LEMD1: variants seen among roughly 807,000 people sequenced by gnomAD.
LEMD1 encodes LEM domain containing 1.
LEMD1 carries 18 observed loss-of-function variants against 17.4 expected under a neutral mutation model. That is an observed-to-expected ratio of 1.04 (90% CI 0.72 to 1.54). The LOEUF is 1.54. LEMD1 is among the 40% of genes most tolerant of loss of function. LEMD1 has a pLI of 0.00. For missense variants in LEMD1, 195 were observed against 210.4 expected, an observed-to-expected ratio of 0.93 and a Z score of 0.45; for synonymous variants, 88 against 77.8, an observed-to-expected ratio of 1.13 and a Z score of -0.69.
chr1:205,416,192 TA>T, intron 4 of LEMD1, 39 bp downstream of exon 4: 1 of 1,314,896 alleles, frequency 7.6e-7, no homozygotes, highest in Non-Finnish European at 1.1e-6. Flanking sequence ...CTGTTTTTAA[TA>T]TATGGGTATA....
At chr1:205,432,481 G>A (rs1245005636) in intron 1 of LEMD1, among the ~76,000 whole-genome samples, 2 of 152,242 alleles carry the variant, frequency 1.3e-5, no homozygotes, top group African/African-American at 4.8e-5. Context: ...TTCCTTTCTG[G>A]ATTACAAACC....
At chr1:205,402,294 A>C (rs1414200522) in intron 4 of LEMD1, among the ~76,000 whole-genome samples, 1 of 152,198 alleles carries the variant, frequency 6.6e-6, no homozygotes, top group Non-Finnish European at 1.5e-5. Flanking sequence ...TACCTTGAGC[A>C]GTATGGCCAT....
intron 1 of LEMD1, among the ~76,000 whole-genome samples, chr1:205,430,989 C>G (rs1170390152): frequency 6.6e-6 from 1 of 152,200 alleles, no homozygotes; most frequent in Admixed American, 6.5e-5. Flanking sequence ...GATGGGAGAG[C>G]GCCGTCTGCA....
At chr1:205,410,667 C>T (rs1229330647) in intron 4 of LEMD1, among the ~76,000 whole-genome samples, 1 of 152,010 alleles carries the variant, frequency 6.6e-6, no homozygotes. Context: ...CATTTTACAG[C>T]CTGCGGCAAA....
At chr1:205,403,344 G>A (rs1664941563) in intron 4 of LEMD1, among the ~76,000 whole-genome samples, 1 of 152,020 alleles carries the variant, frequency 6.6e-6, no homozygotes, top group Non-Finnish European at 1.5e-5. Flanking sequence ...ACTCTTTTTG[G>A]TTGGTAAGCT....
At chr1:205,449,199 G>T (rs1276586173) in intron 1 of LEMD1, among the ~76,000 whole-genome samples, 1 of 152,174 alleles carries the variant, frequency 6.6e-6, no homozygotes, top group Non-Finnish European at 1.5e-5. Flanking sequence ...TCTAGGACTG[G>T]ATTGAAGAGC....
intron 1 of LEMD1, among the ~76,000 whole-genome samples, chr1:205,433,325 C>T (rs150240621): frequency 0.058 from 8,820 of 151,984 alleles, 319 homozygotes; most frequent in Non-Finnish European, 0.081. Context: ...GGCGTGGTGG[C>T]GGGTGCCTGT....
chr1:205,384,322 A>G lies in LEMD1; in HGVS notation c.313T>C (p.Tyr105His). 1 of 1,522,988 alleles carries G rather than the reference A, an allele frequency of 6.6e-7. No homozygotes were observed. Among genetic ancestry groups the G allele is most frequent in the South Asian group, 1.3e-5 (1 of 78,468 alleles). The allele number at this position is 1,522,988 out of a possible 1,614,324, so 94.3% of individuals were successfully genotyped here. ...STTKRKAVDT[Y>H]CLDYKPSKGR... ...TTGGAAGGCTTATAATCCAAGCAAT[A>G]GGTATCTACAGCTTTGCGTTTAGTG... is the stretch of plus-strand genomic sequence containing the variant. The change falls in exon 5 of 6, where the codon TAT becomes CAT. Residue 105 changes from tyrosine (Y) to histidine (H), a missense_variant. Transcript: ENST00000367153.
chr1:205,441,775 T>C lies in LEMD1; in HGVS notation c.-39+8093A>G, dbSNP rs915446231. The stretch of plus-strand genomic sequence containing the variant: ...GCTGGGCAAAGGGTTGAGAGGTAGA[T>C]ACAAAAGGGTAAAGACATGGTTTCT... On this transcript the variant is annotated intron_variant, in intron 1 of 3. Transcript: ENST00000367154. The surrounding 1 kb of genome is among the most constrained non-coding windows in gnomAD (Gnocchi z 4.3). 2.6e-5 allele frequency among the ~76,000 whole-genome samples: 4 copies of C among 152,176 alleles called. No homozygotes were observed. Among genetic ancestry groups the C allele is most frequent in the Admixed American group, 2.6e-4 (4 of 15,278 alleles).
At chr1:205,394,358 ATTTG>A (rs914843465) in intron 4 of LEMD1, among the ~76,000 whole-genome samples, 16 of 136,338 alleles carry the variant, frequency 1.2e-4, no homozygotes, top group African/African-American at 4.5e-4. Flanking sequence ...GAACTGTATT[ATTTG>A]TTTATTTAAT....
chr1:205,408,502 C>CTTTTTTTTTTTTT (rs573634699), intron 4 of LEMD1, among the ~76,000 whole-genome samples: 1 of 136,882 alleles, frequency 7.3e-6, no homozygotes, highest in Non-Finnish European at 1.5e-5. Context: ...TTCTTTCTTT[C>CTTTTTTTTTTTTT]TTTTTTTTTT....
rs368226190 is a variant in LEMD1 at position 205,413,696 on chromosome 1, A to C, written c.270+2536T>G. On this transcript the variant is annotated intron_variant, in intron 4 of 5. Transcript: ENST00000367153. ...AGAGTCTCCTCTCACTCTGTCACCCAAGCTGGAGTGTAGCTGCACAATCTC... is the reference window on the plus strand; with the variant it reads ...AGAGTCTCCTCTCACTCTGTCACCCCAGCTGGAGTGTAGCTGCACAATCTC... Among the ~76,000 whole-genome samples the C allele has an allele frequency of 5.8e-5, 8 of 138,558 alleles. No homozygotes were observed. In the East Asian group the frequency reaches 1.5e-3, roughly 25 times the overall value. The allele number at this position is 138,558 out of a possible 152,430, so 90.9% of individuals were successfully genotyped here.
At chr1:205,409,342 C>T (rs550562804) in intron 4 of LEMD1, among the ~76,000 whole-genome samples, 12 of 152,244 alleles carry the variant, frequency 7.9e-5, no homozygotes, top group African/African-American at 2.9e-4. Flanking sequence ...TTGTGTTGTA[C>T]TACAGGTAAT....
At chr1:205,383,874 A>C (rs1478873300) in intron 5 of LEMD1, among the ~76,000 whole-genome samples, 1 of 151,252 alleles carries the variant, frequency 6.6e-6, no homozygotes, top group African/African-American at 2.4e-5. Context: ...GACCTCAGGC[A>C]ATCCATCTGC....
At chr1:205,447,068 C>T (rs1666405024) in intron 1 of LEMD1, among the ~76,000 whole-genome samples, 2 of 152,228 alleles carry the variant, frequency 1.3e-5, no homozygotes, top group Admixed American at 6.5e-5. Context: ...GGGTACAGCA[C>T]TCCCTGGTTT....
At chr1:205,442,869 C>T (rs1263370294) in intron 1 of LEMD1, among the ~76,000 whole-genome samples, 3 of 152,214 alleles carry the variant, frequency 2.0e-5, no homozygotes, top group African/African-American at 4.8e-5. Flanking sequence ...CAATCTGGGA[C>T]TTAGGTGGCC....
chr1:205,424,739 T>A (rs933554788), upstream of LEMD1, among the ~76,000 whole-genome samples: 5 of 152,100 alleles, frequency 3.3e-5, no homozygotes, highest in Non-Finnish European at 7.4e-5. Flanking sequence ...AGACAAGAAG[T>A]AAGTCGGGTT....
chr1:205,414,973 C>A (rs1429150398), intron 4 of LEMD1, among the ~76,000 whole-genome samples: 2 of 152,124 alleles, frequency 1.3e-5, no homozygotes, highest in East Asian at 3.8e-4. Flanking sequence ...TAACATCATT[C>A]AGATCCCTAA....
chr1:205,415,217 T>C (rs1665636554), intron 4 of LEMD1, among the ~76,000 whole-genome samples: 1 of 152,050 alleles, frequency 6.6e-6, no homozygotes, highest in Admixed American at 6.5e-5. Flanking sequence ...CCACAAAATG[T>C]TCATGAAGTT....
Sources: gnomAD v4.1 joint callset for allele counts (sites outside exome capture counted in the v4.1 genomes callset) on GRCh38, gnomAD v4.1.1 for gene constraint, Gnocchi (gnomAD v3.1) non-coding constraint, MANE v1.5 for transcripts, NCBI Gene and HGNC (gene_info 2026-07-23, HGNC 2026-07-21) for gene names.